The following RNFT2 variants were observed in gnomAD, a reference collection of about 807,000 sequenced individuals.
RNFT2 encodes the protein E3 ubiquitin-protein ligase RNFT2.
In RNFT2, 36 loss-of-function variants were observed where a neutral mutation model predicts 53.0. The observed-to-expected ratio is 0.68, with a 90% CI of 0.52 to 0.90. The LOEUF (loss-of-function observed/expected upper bound fraction) is 0.90, where lower values mean the gene tolerates loss of function less well. Ranked by LOEUF, RNFT2 falls within the 40% of genes least tolerant of loss-of-function variation. RNFT2 has a pLI of 0.00. For missense variants in RNFT2, 514 were observed against 585.6 expected (o/e 0.88, Z 1.26); for synonymous variants, 260 against 253.2 (o/e 1.03, Z -0.26).
intron 6 of RNFT2, among the ~76,000 whole-genome samples, chr12:116,770,316 G>C (rs1376913818): frequency 6.6e-6 from 1 of 152,190 alleles, no homozygotes; most frequent in East Asian, 1.9e-4. Context: ...AACAAGCTAT[G>C]TAGGTTTGTA....
intron 7 of RNFT2, among the ~76,000 whole-genome samples, chr12:116,788,156 A>G (rs1239324070): frequency 6.6e-6 from 1 of 151,976 alleles, no homozygotes; most frequent in African/African-American, 2.4e-5. Flanking sequence ...CAAACTCCCA[A>G]CCTCAGGTGA....
In RNFT2 at chr12:116,741,061, A is replaced by G; in HGVS notation, c.50A>G (p.His17Arg). 1 of 1,611,190 alleles carries G rather than the reference A, an allele frequency of 6.2e-7. No individual in the cohort carries two copies. Among genetic ancestry groups the G allele is most frequent in the Non-Finnish European group, 8.5e-7 (1 of 1,178,638 alleles). Residue 17 changes from histidine to arginine, a missense_variant, in exon 3 of 11, where the codon CAC (histidine) becomes CGC (arginine). By Grantham distance (29) the His-to-Arg change is conservative. Transcript: ENST00000257575. ...GTGTTAAGGAAGATGCAGAGACGCC[A>G]CAGCAGCAACACGGATAACATTCCA... ...NQVLRKMQRR[H>R]SSNTDNIPPE... is the part of the protein sequence containing the mutation.
intron 7 of RNFT2, among the ~76,000 whole-genome samples, chr12:116,824,995 G>T (rs1379209714): frequency 6.6e-6 from 1 of 152,142 alleles, no homozygotes; most frequent in Non-Finnish European, 1.5e-5. Flanking sequence ...CAGGAGTTCA[G>T]TCAGGACACA....
rs1293265788 is a variant in RNFT2, at chr12:116,779,219, G to A, written c.753G>A (p.Leu251=). The A allele has an allele frequency of 1.2e-6, 2 of 1,613,864 alleles. No homozygotes were observed. Among genetic ancestry groups the A allele is most frequent in the East Asian group, 4.5e-5 (2 of 44,888 alleles). ...GCCTCATATTCCTGAAGCCCAACCT[G>A]GAGATGCTGGACTTCTTTGACCTGC... is the stretch of plus-strand genomic sequence containing the variant. ...YNSLIFLKPN[L]EMLDFFDLLW... Residue 251 remains leucine, a synonymous_variant, in exon 7 of 11, where the codon CTG becomes CTA. Transcript: ENST00000257575.
intron 8 of RNFT2, among the ~76,000 whole-genome samples, chr12:116,834,205 A>T (rs1490982740): frequency 6.6e-6 from 1 of 151,692 alleles, no homozygotes; most frequent in Non-Finnish European, 1.5e-5. Flanking sequence ...TGCAACCTCC[A>T]CTCCTGGGTT....
intron 7 of RNFT2, among the ~76,000 whole-genome samples, chr12:116,814,600 G>T (rs1875550039): frequency 6.6e-6 from 1 of 152,124 alleles, no homozygotes; most frequent in Non-Finnish European, 1.5e-5. Flanking sequence ...AGAAGAAGGG[G>T]CAGGGCAACT....
Position 116,849,814 on chromosome 12 carries a change from T to TTCCC in RNFT2, c.*378_*381dup, listed in dbSNP as rs1472858004. 2.7e-5 allele frequency: 9 copies of TTCCC among 332,522 alleles called. No individual in the cohort carries two copies. Among genetic ancestry groups the TTCCC allele is most frequent in the Middle Eastern group, 1.2e-3 (1 of 846 alleles). The allele number at this position is 332,522 out of a possible 1,614,324, so 20.6% of individuals were successfully genotyped here. A position where few individuals can be genotyped will look rare whatever the true frequency, so the allele number is the denominator to read the frequency against. The stretch of plus-strand genomic sequence containing the variant: ...TTCTTTTCTTTCTCTCTCTCTCTGT[T>TTCCC]TCCCTCCCTCCCTCCTTCCTTCCTT... On this transcript the variant is annotated 3_prime_UTR_variant, in exon 11 of 11. Coordinates refer to ENST00000257575, the MANE Select transcript of RNFT2 (RefSeq NM_001382266.1).
intron 7 of RNFT2, among the ~76,000 whole-genome samples, chr12:116,781,713 C>T (rs1180283738): frequency 6.6e-6 from 1 of 152,114 alleles, no homozygotes; most frequent in Non-Finnish European, 1.5e-5. Context: ...AGGCTCATCT[C>T]CCATCCTTAA....
intron 3 of RNFT2, among the ~76,000 whole-genome samples, chr12:116,741,498 C>G (rs1871607024): frequency 6.6e-6 from 1 of 152,202 alleles, no homozygotes; most frequent in Non-Finnish European, 1.5e-5. Context: ...CTTTCTGGTT[C>G]ACTGATGGCC....
intron 7 of RNFT2, among the ~76,000 whole-genome samples, chr12:116,822,288 A>G (rs1220802525): frequency 6.6e-6 from 1 of 152,042 alleles, no homozygotes; most frequent in African/African-American, 2.4e-5. Flanking sequence ...CCCAGAGGGA[A>G]GCAGGGCCAT....
In RNFT2 at chr12:116,836,170, C is replaced by T; in HGVS notation, c.1099-11C>T. 6.3e-7 allele frequency: 1 copy of T among 1,592,988 alleles called. No individual in the cohort carries two copies. The highest frequency in any genetic ancestry group is 8.6e-7 in the Non-Finnish European group (1 of 1,169,288). On this transcript the variant is annotated splice_polypyrimidine_tract_variant and intron_variant, in intron 9 of 10. Transcript: ENST00000257575. ...GCCCATAGCTGTATTTGCTTCTCCC[C>T]TCCCTCAAAGAACTATGGAGTCCGA...
rs568025072 is a variant in RNFT2, at chr12:116,804,785, G to A, written c.882+25437G>A. On this transcript the variant is annotated intron_variant, in intron 7 of 10. Transcript: ENST00000257575. Reference sequence around the variant, plus strand: ...AGTTCAAGACCAGCCTAGGCAACACGACAAAACCTTGTCTCTACAAAACAT... The same window carrying A: ...AGTTCAAGACCAGCCTAGGCAACACAACAAAACCTTGTCTCTACAAAACAT... 7.2e-5 allele frequency among the ~76,000 whole-genome samples: 11 copies of A among 152,240 alleles called. No individual in the cohort carries two copies. The East Asian group carries it at 1.4e-3, about 19-fold the overall frequency.
At chr12:116,844,788 C>A (rs1877519709) in intron 10 of RNFT2, among the ~76,000 whole-genome samples, 1 of 152,080 alleles carries the variant, frequency 6.6e-6, no homozygotes, top group Non-Finnish European at 1.5e-5. Flanking sequence ...TTCACTTAAC[C>A]AAGTCTATGT....
At chr12:116,739,231 T>C (rs955272687) in intron 1 of RNFT2, among the ~76,000 whole-genome samples, 1 of 152,176 alleles carries the variant, frequency 6.6e-6, no homozygotes. Flanking sequence ...CTAAACCTTT[T>C]CATGGGAAGT....
intron 7 of RNFT2, among the ~76,000 whole-genome samples, chr12:116,798,637 C>T (rs1005974907): frequency 6.6e-6 from 1 of 152,134 alleles, no homozygotes; most frequent in African/African-American, 2.4e-5. Flanking sequence ...GGCGTGATCT[C>T]AGCTCACTGC....
Position 116,749,957 on chromosome 12 carries a change from T to C in RNFT2, c.200T>C (p.Leu67Pro). 1 of 1,566,068 alleles carries C rather than the reference T, an allele frequency of 6.4e-7. No homozygotes were observed. ...CTCTTCTCGGGCTTATCAGGCAGCC[T>C]CCCCACCAGCTCGTTCCCCTCCAGC... is the stretch of plus-strand genomic sequence containing the variant. ...PALFSGLSGS[L>P]PTSSFPSSLV... Residue 67 changes from leucine (L) to proline (P), a missense_variant, in exon 4 of 11, where the codon CTC becomes CCC. This residue lies in a region of RNFT2 where 237 missense variants were observed against 235.1 expected (regional missense o/e 1.01). Coordinates refer to ENST00000257575, the MANE Select transcript of RNFT2 (RefSeq NM_001382266.1).
chr12:116,836,920 A>T (rs1029051462), intron 10 of RNFT2, among the ~76,000 whole-genome samples: 33 of 152,016 alleles, frequency 2.2e-4, no homozygotes, highest in Admixed American at 2.1e-3. Flanking sequence ...ACAGAGCAAG[A>T]CTACATCTCA....
At chr12:116,825,090 G>A (rs1020591476) in intron 7 of RNFT2, among the ~76,000 whole-genome samples, 6 of 152,164 alleles carry the variant, frequency 3.9e-5, no homozygotes, top group African/African-American at 1.2e-4. Context: ...GGTCTGATGC[G>A]TCAGCTGCAA....
intron 10 of RNFT2, among the ~76,000 whole-genome samples, chr12:116,843,629 C>A (rs541616464): frequency 8.5e-5 from 13 of 152,126 alleles, no homozygotes; most frequent in African/African-American, 2.7e-4. Context: ...TCTTCCTCCC[C>A]CTTCCTCTGT....
Sources: allele counts gnomAD v4.1 joint callset (sites outside exome capture counted in the v4.1 genomes callset), GRCh38; gene constraint gnomAD v4.1.1; regional missense constraint gnomAD v4.1.1; transcripts MANE v1.5; gene names NCBI Gene and HGNC (gene_info 2026-07-23, HGNC 2026-07-21).